Variants in ANGPT1 observed in about 807,000 individuals in gnomAD.
ANGPT1 encodes angiopoietin-1.
A neutral mutation model predicts 62.2 loss-of-function variants in ANGPT1; 17 were observed. That is an observed-to-expected ratio of 0.27 (90% CI 0.19 to 0.41). The LOEUF is 0.41. ANGPT1 is among the 10% of genes least tolerant of loss of function. ANGPT1 has a pLI of 1.00. For synonymous variants in ANGPT1, 199 were observed against 198.9 expected (o/e 1.00, Z 0.00); for missense variants, 478 against 594.9 (o/e 0.80, Z 2.04).
chr8:107,275,321 G>A (rs758429684), intron 7 of ANGPT1, among the ~76,000 whole-genome samples: 4 of 151,972 alleles, frequency 2.6e-5, no homozygotes, highest in Non-Finnish European at 4.4e-5. Context: ...ACCCCCTTAC[G>A]CTCTAAGCTT....
At chr8:107,316,466 A>G (rs1289756189) in intron 4 of ANGPT1, among the ~76,000 whole-genome samples, 1 of 152,224 alleles carries the variant, frequency 6.6e-6, no homozygotes, top group Non-Finnish European at 1.5e-5. Flanking sequence ...AGAATTAAAT[A>G]AACTAATATA....
rs188926132 is a variant in ANGPT1 at position 107,419,676 on chromosome 8, T to A, written c.298-72579A>T. Among the ~76,000 whole-genome samples, 82 of 152,184 alleles carry A rather than the reference T, an allele frequency of 5.4e-4. 2 individuals are homozygous for A. In the East Asian group the frequency reaches 7.4e-3, roughly 14 times the overall value. ...ATCCAGCCAGGGACCCCGGGAGAGT[T>A]GAGGAAAATTTTCCTCCCCTACAGA... On this transcript the variant is annotated intron_variant, in intron 1 of 8. Coordinates refer to ENST00000517746, the MANE Select transcript of ANGPT1 (RefSeq NM_001146.5).
chr8:107,317,578 G>A (rs1381966338), intron 4 of ANGPT1, among the ~76,000 whole-genome samples: 1 of 151,216 alleles, frequency 6.6e-6, no homozygotes, highest in African/African-American at 2.4e-5. Flanking sequence ...CTCAACATGA[G>A]ATGACATTTT....
chr8:107,357,866 T>C (rs1293552521), intron 1 of ANGPT1, among the ~76,000 whole-genome samples: 1 of 152,180 alleles, frequency 6.6e-6, no homozygotes, highest in African/African-American at 2.4e-5. Context: ...TGGAAGGTAT[T>C]AACACTTAAA....
intron 1 of ANGPT1, chr8:107,494,862 T>A (rs964653068): frequency 2.6e-5 from 4 of 152,194 alleles, no homozygotes; most frequent in Non-Finnish European, 5.9e-5. Context: ...TGCATAATAA[T>A]CACTATGCTT....
chr8:107,437,269 G>C (rs1811358457), intron 1 of ANGPT1, among the ~76,000 whole-genome samples: 1 of 152,160 alleles, frequency 6.6e-6, no homozygotes, highest in Admixed American at 6.5e-5. Flanking sequence ...CTGATTTGAA[G>C]AATGTGAAAA....
At chr8:107,396,649 T>A (rs544142433) in intron 1 of ANGPT1, among the ~76,000 whole-genome samples, 14 of 150,314 alleles carry the variant, frequency 9.3e-5, no homozygotes, top group Non-Finnish European at 1.8e-4. Flanking sequence ...GCCTCCCAAG[T>A]AGCTGGGTCT....
intron 1 of ANGPT1, among the ~76,000 whole-genome samples, chr8:107,473,461 A>G (rs555656338): frequency 6.6e-6 from 1 of 152,180 alleles, no homozygotes; most frequent in South Asian, 2.1e-4. Flanking sequence ...TTGTCTAAAA[A>G]AAAAGCTCAT....
intron 1 of ANGPT1, among the ~76,000 whole-genome samples, chr8:107,459,048 G>T (rs914464425): frequency 1.3e-5 from 2 of 152,072 alleles, no homozygotes; most frequent in African/African-American, 4.8e-5. Flanking sequence ...TTCTTGTGAT[G>T]CTCAGTGCAT....
At chr8:107,485,149 C>T (rs1563644247) in intron 1 of ANGPT1, among the ~76,000 whole-genome samples, 1 of 152,144 alleles carries the variant, frequency 6.6e-6, no homozygotes, top group South Asian at 2.1e-4. Flanking sequence ...AGCAATACAG[C>T]GTGTGTTGAT....
At chr8:107,487,159 A>G (rs1389324565) in intron 1 of ANGPT1, among the ~76,000 whole-genome samples, 1 of 151,916 alleles carries the variant, frequency 6.6e-6, no homozygotes, top group African/African-American at 2.4e-5. Flanking sequence ...CTGTTCATTC[A>G]CCTTCCCTGT....
At chr8:107,439,172 C>T (rs888933886) in intron 1 of ANGPT1, among the ~76,000 whole-genome samples, 2 of 152,102 alleles carry the variant, frequency 1.3e-5, no homozygotes, top group African/African-American at 4.8e-5. Flanking sequence ...GTTATCATAC[C>T]AGACTTAATC....
intron 7 of ANGPT1, among the ~76,000 whole-genome samples, chr8:107,275,056 T>C (rs1303452310): frequency 4.1e-4 from 62 of 151,964 alleles, no homozygotes; most frequent in Admixed American, 4.1e-3. Flanking sequence ...GAAAATCCAA[T>C]TAGGCAAAGT....
At chr8:107,462,681 T>C (rs775494074) in intron 1 of ANGPT1, among the ~76,000 whole-genome samples, 9 of 152,182 alleles carry the variant, frequency 5.9e-5, no homozygotes, top group Middle Eastern at 3.4e-3. Flanking sequence ...TTCTTGAGGC[T>C]ATTCAATTAT....
At chr8:107,320,987 A>G (rs1219438711) in intron 4 of ANGPT1, among the ~76,000 whole-genome samples, 1 of 152,144 alleles carries the variant, frequency 6.6e-6, no homozygotes, top group Non-Finnish European at 1.5e-5. Context: ...TTGCAGATGT[A>G]AGTGGTATTC....
chr8:107,473,875 C>T (rs539535495), intron 1 of ANGPT1, among the ~76,000 whole-genome samples: 7 of 151,882 alleles, frequency 4.6e-5, no homozygotes, highest in East Asian at 3.9e-4. Flanking sequence ...GCAAAGGGAA[C>T]GGGAATGGAA....
intron 1 of ANGPT1, among the ~76,000 whole-genome samples, chr8:107,380,837 G>A (rs1816622665): frequency 6.6e-6 from 1 of 152,160 alleles, no homozygotes; most frequent in South Asian, 2.1e-4. Flanking sequence ...GTGTAGGACA[G>A]AGAACCTTAA....
intron 4 of ANGPT1, among the ~76,000 whole-genome samples, chr8:107,319,830 T>G (rs1232750312): frequency 1.3e-5 from 2 of 152,046 alleles, no homozygotes; most frequent in African/African-American, 2.4e-5. Flanking sequence ...AGTAACTAAA[T>G]ATTTAGTTAG....
rs964194280 is a variant in ANGPT1, at chr8:107,364,783, C to T, written c.298-17686G>A. On this transcript the variant is annotated intron_variant, in intron 1 of 8. Transcript: ENST00000517746. ...TTCAAAACTTCAAAGGGAATTTTCT[C>T]CTTGAGCAATTTTAATCCAGAAAAA... 2.6e-5 allele frequency among the ~76,000 whole-genome samples: 4 copies of T among 152,152 alleles called. No homozygotes were observed. In the East Asian group the frequency reaches 7.7e-4, roughly 29 times the overall value.
Sources: gnomAD v4.1 joint callset for allele counts (sites outside exome capture counted in the v4.1 genomes callset) on GRCh38, gnomAD v4.1.1 for gene constraint, MANE v1.5 for transcripts, NCBI Gene and HGNC (gene_info 2026-07-23, HGNC 2026-07-21) for gene names.